The following P3H2 variants were observed in gnomAD, a reference collection of about 807,000 sequenced individuals.
The protein encoded by P3H2 is prolyl 3-hydroxylase 2, also known as leprecan-like 1.
In P3H2, 80 loss-of-function variants were observed where a neutral mutation model predicts 87.0. The observed-to-expected ratio is 0.92, with a 90% CI of 0.77 to 1.11. The LOEUF (loss-of-function observed/expected upper bound fraction) is 1.11, where lower values mean the gene tolerates loss of function less well. P3H2 is among the 50% of genes least tolerant of loss of function. The pLI, the probability that P3H2 is intolerant of heterozygous loss-of-function variation, is 0.00. For missense variants in P3H2, 1,001 were observed against 923.9 expected (o/e 1.08, Z -1.08); for synonymous variants, 367 against 359.3 (o/e 1.02, Z -0.24).
intron 1 of P3H2, among the ~76,000 whole-genome samples, chr3:190,100,115 T>G (rs919005615): frequency 2.0e-5 from 3 of 151,976 alleles, no homozygotes; most frequent in African/African-American, 7.3e-5. Context: ...GCACTTGTAA[T>G]CCCAGCTACT....
intron 1 of P3H2, among the ~76,000 whole-genome samples, chr3:190,000,229 T>C (rs1724168687): frequency 1.3e-5 from 2 of 152,206 alleles, no homozygotes; most frequent in African/African-American, 4.8e-5. Flanking sequence ...CCAGAGAAAC[T>C]GAACTTCTCT....
rs186666548 is a variant in P3H2, at chr3:190,004,418, T to C, written c.481-8976A>G. Among the ~76,000 whole-genome samples the C allele has an allele frequency of 3.4e-3, 520 of 152,326 alleles. 3 individuals carry two copies. The highest frequency in any genetic ancestry group is 0.012 in the African/African-American group (479 of 41,580). ...TTTATTTCGAGACGGAGTCTCGCTC[T>C]GTCGCCCAGGCTGGAGTGCAGTGGC... On this transcript the variant is annotated intron_variant, in intron 1 of 14. Coordinates refer to ENST00000319332, the MANE Select transcript of P3H2 (RefSeq NM_018192.4).
chr3:189,973,416 A>G (rs976017736), intron 10 of P3H2, among the ~76,000 whole-genome samples: 71 of 151,906 alleles, frequency 4.7e-4, no homozygotes, highest in African/African-American at 1.7e-3. Context: ...GAACGGAGGA[A>G]TGATTAACTA....
chr3:190,117,926 G>C (rs1712360127), intron 1 of P3H2, among the ~76,000 whole-genome samples: 1 of 152,176 alleles, frequency 6.6e-6, no homozygotes, highest in East Asian at 1.9e-4. Flanking sequence ...CGCAAGACTT[G>C]TTCTGCTCTC....
intron 1 of P3H2, among the ~76,000 whole-genome samples, chr3:190,084,459 C>A (rs1237296416): frequency 2.6e-5 from 4 of 152,084 alleles, no homozygotes; most frequent in Non-Finnish European, 4.4e-5. Context: ...GAAGACATAC[C>A]TTTAGTCTTA....
intron 1 of P3H2, among the ~76,000 whole-genome samples, chr3:190,005,628 C>T (rs1200370566): frequency 6.6e-6 from 1 of 152,164 alleles, no homozygotes; most frequent in Admixed American, 6.5e-5. Context: ...CCACTTGTAC[C>T]TTTTTGGTAT....
At chr3:189,963,325 C>G (rs530613623) in intron 14 of P3H2, 23 of 153,088 alleles carry the variant, frequency 1.5e-4, no homozygotes, top group Non-Finnish European at 2.2e-4. Flanking sequence ...TTTCCTTGCC[C>G]TCTTTCAAAT....
At chr3:189,979,242 A>T (rs916946520) in intron 8 of P3H2, among the ~76,000 whole-genome samples, 1 of 149,726 alleles carries the variant, frequency 6.7e-6, no homozygotes, top group Non-Finnish European at 1.5e-5. Flanking sequence ...TGGGCAACAC[A>T]GTGAAACCCC....
At position 190,014,601 on chromosome 3, in the gene P3H2, C is replaced by A. The variant is rs1265441822; in HGVS notation, c.481-19159G>T. 2.0e-5 allele frequency among the ~76,000 whole-genome samples: 3 copies of A among 152,144 alleles called. No individual in the cohort carries two copies. In the East Asian group the frequency reaches 5.8e-4, roughly 29 times the overall value. On this transcript the variant is annotated intron_variant, in intron 1 of 14. Transcript: ENST00000319332. ...GGACATTAGGAAGGAGGAGAGATTT[C>A]ATTCACATTGTGGTTGTATTTGAGT...
intron 8 of P3H2, among the ~76,000 whole-genome samples, 155 bp downstream of exon 8, chr3:189,982,891 T>A (rs1723579829): frequency 6.6e-6 from 1 of 152,096 alleles, no homozygotes. Context: ...CTTTTTTTTT[T>A]AAGTCTTGCT....
At chr3:189,976,447 C>A (rs1351488186) in intron 8 of P3H2, among the ~76,000 whole-genome samples, 1 of 152,168 alleles carries the variant, frequency 6.6e-6, no homozygotes, top group Non-Finnish European at 1.5e-5. Flanking sequence ...GTTTATAAAA[C>A]CATCAGATCT....
At chr3:189,963,870 C>T (rs1423883918) in intron 14 of P3H2, 88 bp downstream of exon 14, 8 of 1,373,752 alleles carry the variant, frequency 5.8e-6, no homozygotes, top group Admixed American at 1.7e-5. Context: ...CTCTTCTTTT[C>T]CTCAGACGAA....
intron 1 of P3H2, among the ~76,000 whole-genome samples, chr3:190,076,702 T>C (rs6789122): frequency 0.14 from 21,475 of 152,222 alleles, 1,888 homozygotes; most frequent in Non-Finnish European, 0.2. Flanking sequence ...TAGAGAAAGA[T>C]GACATGTCCA....
intron 1 of P3H2, among the ~76,000 whole-genome samples, chr3:190,105,528 C>G (rs1711798931): frequency 6.6e-6 from 1 of 152,046 alleles, no homozygotes; most frequent in Non-Finnish European, 1.5e-5. Context: ...CTTAAATTAC[C>G]ATTAAATTAA....
intron 5 of P3H2, 78 bp downstream of exon 5, chr3:189,987,449 A>G: frequency 1.3e-6 from 2 of 1,509,424 alleles, no homozygotes; most frequent in South Asian, 2.4e-5. Context: ...ATTGCACTCC[A>G]GCCTGGGCAA....
At chr3:190,090,930 C>T (rs1221503557) in intron 1 of P3H2, among the ~76,000 whole-genome samples, 2 of 152,116 alleles carry the variant, frequency 1.3e-5, no homozygotes, top group African/African-American at 2.4e-5. Context: ...TACCTACTCC[C>T]TCATCAATAC....
intron 1 of P3H2, among the ~76,000 whole-genome samples, chr3:190,000,898 A>G (rs1724191921): frequency 6.6e-6 from 1 of 152,244 alleles, no homozygotes; most frequent in African/African-American, 2.4e-5. Flanking sequence ...TGATAATTCA[A>G]ACTTCTTTGT....
chr3:189,985,132 T>C (rs1300987908), intron 6 of P3H2, among the ~76,000 whole-genome samples: 1 of 151,956 alleles, frequency 6.6e-6, no homozygotes, highest in Non-Finnish European at 1.5e-5. Context: ...AAAGTGTGCC[T>C]ATAAAAACAC....
chr3:190,039,313 T>G (rs1725527814), intron 1 of P3H2, among the ~76,000 whole-genome samples: 1 of 143,476 alleles, frequency 7.0e-6, no homozygotes, highest in South Asian at 2.3e-4. Context: ...CATAGTTAAA[T>G]GGCAACTCAT....
Sources: allele counts gnomAD v4.1 joint callset (sites outside exome capture counted in the v4.1 genomes callset), GRCh38; gene constraint gnomAD v4.1.1; transcripts MANE v1.5; gene names NCBI Gene and HGNC (gene_info 2026-07-23, HGNC 2026-07-21).